IRAG1: variants seen among roughly 807,000 people sequenced by gnomAD.
IRAG1 encodes IP3R-associated cGMP kinase substrate.
Under a neutral mutation model 106.2 loss-of-function variants are expected in IRAG1, and 62 were observed. The ratio of observed to expected loss-of-function variants is 0.58; its 90% CI spans 0.48 to 0.72. The LOEUF is 0.72. IRAG1 is among the 30% of genes least tolerant of loss of function. The probability of loss-of-function intolerance (pLI) is 0.00; values close to 1 mark genes in which losing one functional copy is unlikely to be tolerated. For synonymous variants in IRAG1, 462 were observed against 443.9 expected, an observed-to-expected ratio of 1.04 and a Z score of -0.51; for missense variants, 1,064 against 1,140.7, an observed-to-expected ratio of 0.93 and a Z score of 0.97.
chr11:10,592,221 C>T (rs1852761981), intron 17 of IRAG1, among the ~76,000 whole-genome samples: 1 of 152,132 alleles, frequency 6.6e-6, no homozygotes, highest in Admixed American at 6.5e-5. Context: ...ACTCCAGAAT[C>T]TTGGTGTGGG....
At chr11:10,621,784 G>A (rs140251557) in intron 10 of IRAG1, among the ~76,000 whole-genome samples, 19 of 152,226 alleles carry the variant, frequency 1.2e-4, no homozygotes, top group African/African-American at 4.6e-4. Context: ...AATTAAGATT[G>A]AATTAAAAGG....
At chr11:10,649,630 C>T (rs1042631013) in intron 2 of IRAG1, among the ~76,000 whole-genome samples, 2 of 152,164 alleles carry the variant, frequency 1.3e-5, no homozygotes, top group African/African-American at 2.4e-5. Flanking sequence ...TCTCGGCTCC[C>T]GGCTCCCCTG....
At chr11:10,688,759 A>G (rs1338232690) in intron 1 of IRAG1, among the ~76,000 whole-genome samples, 1 of 152,164 alleles carries the variant, frequency 6.6e-6, no homozygotes, top group African/African-American at 2.4e-5. Context: ...TTTATACACT[A>G]TGCTCACAAT....
intron 4 of IRAG1, 132 bp from the exon 5 acceptor site, chr11:10,629,843 C>T: frequency 1.1e-6 from 1 of 911,514 alleles, no homozygotes; most frequent in South Asian, 1.7e-5. Flanking sequence ...AGCCCAGTGC[C>T]ATCAAGAGGG....
chr11:10,581,526 C>T (rs998593545), intron 19 of IRAG1, among the ~76,000 whole-genome samples: 2 of 152,152 alleles, frequency 1.3e-5, no homozygotes, highest in Non-Finnish European at 2.9e-5. Context: ...CTGGCAGCAA[C>T]ATGACTGCTT....
At chr11:10,593,946 T>G in intron 16 of IRAG1, 200 bp downstream of exon 16, 1 of 603,398 alleles carries the variant, frequency 1.7e-6, no homozygotes, top group Non-Finnish European at 3.0e-6. Context: ...ATTTAAGGGA[T>G]GTATACATAG....
At chr11:10,683,098 C>T (rs1018736064) in intron 1 of IRAG1, among the ~76,000 whole-genome samples, 3 of 152,096 alleles carry the variant, frequency 2.0e-5, no homozygotes, top group African/African-American at 7.2e-5. Flanking sequence ...TAACAAAGTA[C>T]ACTTCCTTAA....
intron 20 of IRAG1, among the ~76,000 whole-genome samples, 158 bp downstream of exon 20, chr11:10,580,297 C>T (rs1201879873): frequency 6.6e-6 from 1 of 152,192 alleles, no homozygotes; most frequent in Non-Finnish European, 1.5e-5. Flanking sequence ...TACCTCCTTC[C>T]CAACATGTGT....
At chr11:10,670,124 G>A (rs1204751016) in intron 1 of IRAG1, among the ~76,000 whole-genome samples, 1 of 152,222 alleles carries the variant, frequency 6.6e-6, no homozygotes, top group South Asian at 2.1e-4. Flanking sequence ...GCAAGGAGTA[G>A]CTACATCTTG....
In IRAG1 at chr11:10,606,759, T is replaced by C. The variant is rs775438449; in HGVS notation, c.1585A>G (p.Thr529Ala). 6 of 1,593,862 alleles carry C rather than the reference T, an allele frequency of 3.8e-6. No homozygotes were observed. Among genetic ancestry groups the C allele is most frequent in the Non-Finnish European group, 5.1e-6 (6 of 1,169,356 alleles). The part of the protein sequence containing the change: ...RSLPGSAPPL[T>A]EKEVENVFVQ... Reference sequence around the variant, plus strand: ...TCACTTACCTCAACTTCCTTTTCAGTGAGTGGAGGGGCACTGTGAAAAAGA... The same window carrying C: ...TCACTTACCTCAACTTCCTTTTCAGCGAGTGGAGGGGCACTGTGAAAAAGA... The change falls in exon 12 of 21, where the codon ACT (threonine) becomes GCT (alanine). Residue 529 changes from threonine to alanine, a missense_variant. Thr to Ala is a moderately conservative substitution (Grantham distance 58, BLOSUM62 0). Coordinates refer to ENST00000423302, the MANE Select transcript of IRAG1 (RefSeq NM_130385.4).
At chr11:10,577,253 C>G (rs1403473968) in intron 20 of IRAG1, among the ~76,000 whole-genome samples, 1 of 152,172 alleles carries the variant, frequency 6.6e-6, no homozygotes, top group Non-Finnish European at 1.5e-5. Context: ...AATATTTATT[C>G]TCTAATTTCT....
rs201581932 is a variant in IRAG1, at chr11:10,603,173, G to C, written c.1822C>G (p.Arg608Gly). 1 of 1,609,138 alleles carries C rather than the reference G, an allele frequency of 6.2e-7. No homozygotes were observed. Among genetic ancestry groups the C allele is most frequent in the Non-Finnish European group, 8.5e-7 (1 of 1,177,842 alleles). Residue 608 changes from arginine (R) to glycine (G), a missense_variant, in exon 14 of 21, where the codon CGC (arginine) becomes GGC (glycine). Physicochemically the swap from Arg to Gly is moderately radical, Grantham distance 125. Transcript: ENST00000423302. ...CGGCTGGAGAGGCGGGCAGCCAGGCGGTGCAGGACAGCGATGTCCTCCAGC... is the reference window on the plus strand; with the variant it reads ...CGGCTGGAGAGGCGGGCAGCCAGGCCGTGCAGGACAGCGATGTCCTCCAGC... ...KLLEDIAVLH[R>G]LAARLSSRAE... is the part of the protein sequence containing the mutation.
chr11:10,576,297 T>A lies in IRAG1; in HGVS notation c.*35A>T. On this transcript the variant is annotated 3_prime_UTR_variant, in exon 21 of 21. Coordinates refer to ENST00000423302, the MANE Select transcript of IRAG1 (RefSeq NM_130385.4). ...TGGGGAAAGGGTGGTAGTCTGAGTGTCTCAGAGCAGGGCACTGGCTAGGTG... is the reference window on the plus strand; with the variant it reads ...TGGGGAAAGGGTGGTAGTCTGAGTGACTCAGAGCAGGGCACTGGCTAGGTG... The A allele has an allele frequency of 6.2e-7, 1 of 1,611,000 alleles. No individual in the cohort carries two copies. Among genetic ancestry groups the A allele is most frequent in the Non-Finnish European group, 8.5e-7 (1 of 1,178,590 alleles).
intron 11 of IRAG1, among the ~76,000 whole-genome samples, chr11:10,608,279 T>C (rs1854647560): frequency 6.6e-6 from 1 of 152,022 alleles, no homozygotes; most frequent in Admixed American, 6.5e-5. Flanking sequence ...TGCATGCCAC[T>C]ATACCTGGCT....
chr11:10,652,410 T>C, intron 1 of IRAG1: 2 of 1,203,250 alleles, frequency 1.7e-6, no homozygotes, highest in Non-Finnish European at 2.2e-6. Flanking sequence ...ATTTGGTCTT[T>C]ACAGTAAACA....
In IRAG1 at chr11:10,573,421, AT is replaced by A. The variant is rs1850681704; in HGVS notation, c.*2910del. ...CATTTGGGGGACTCTTCAGATCCAC[AT>A]CCTCACTGAAAATCCAGGGCCTGTT... is the stretch of plus-strand genomic sequence containing the variant. On this transcript the variant is annotated 3_prime_UTR_variant, in exon 21 of 21. Transcript: ENST00000423302. 1 of 152,298 alleles carries A rather than the reference AT, an allele frequency of 6.6e-6. No individual in the cohort carries two copies. The highest frequency in any genetic ancestry group is 2.4e-5 in the African/African-American group (1 of 41,462). 9.4% of individuals were successfully genotyped at this position (152,298 alleles called of 1,614,324 possible).
In IRAG1 at chr11:10,693,665, T is replaced by C. The variant is rs902611834; in HGVS notation, c.-63A>G. 2.0e-6 allele frequency: 3 copies of C among 1,515,666 alleles called. No individual in the cohort carries two copies. The highest frequency in any genetic ancestry group is 1.4e-5 in the African/African-American group (1 of 72,556). The allele number at this position is 1,515,666 out of a possible 1,614,324, so 93.9% of individuals were successfully genotyped here. A position where few individuals can be genotyped will look rare whatever the true frequency, so the allele number is the denominator to read the frequency against. ...CCGAGAAGCCTCTGGCTGCAGAACCTCGGCCGCACGCCTCCTCTGAGAGGG... is the reference window on the plus strand; with the variant it reads ...CCGAGAAGCCTCTGGCTGCAGAACCCCGGCCGCACGCCTCCTCTGAGAGGG... On this transcript the variant is annotated 5_prime_UTR_variant, in exon 1 of 21. Coordinates refer to ENST00000423302, the MANE Select transcript of IRAG1 (RefSeq NM_130385.4).
rs1008676829 is a variant in IRAG1 at position 10,628,206 on chromosome 11, C to T, written c.653-181G>A. 5.6e-6 allele frequency: 4 copies of T among 717,544 alleles called. No homozygotes were observed. The highest frequency in any genetic ancestry group is 1.0e-5 in the Non-Finnish European group (4 of 395,188). The allele number at this position is 717,544 out of a possible 1,614,324, so 44.4% of individuals were successfully genotyped here. On this transcript the variant is annotated intron_variant, in intron 6 of 20. Coordinates refer to ENST00000423302, the MANE Select transcript of IRAG1 (RefSeq NM_130385.4). The surrounding 1 kb of genome is among the most constrained non-coding windows in gnomAD (Gnocchi z 4.1). ...CCTCACAGAATGTTCACAGAGACCA[C>T]AGGAGGAAACTGAGGCACAGGGAAA...
intron 20 of IRAG1, among the ~76,000 whole-genome samples, chr11:10,580,095 G>A (rs1409857882): frequency 6.6e-6 from 1 of 152,166 alleles, no homozygotes; most frequent in African/African-American, 2.4e-5. Flanking sequence ...TCATGGGGAT[G>A]GCTACCCATA....
Sources: gnomAD v4.1 joint callset for allele counts (sites outside exome capture counted in the v4.1 genomes callset) on GRCh38, gnomAD v4.1.1 for gene constraint, Gnocchi (gnomAD v3.1) non-coding constraint, MANE v1.5 for transcripts, NCBI Gene and HGNC (gene_info 2026-07-23, HGNC 2026-07-21) for gene names.